The following PDE10A variants were observed in gnomAD, a reference collection of about 807,000 sequenced individuals.
PDE10A encodes the protein cAMP and cAMP-inhibited cGMP 3',5'-cyclic phosphodiesterase 10A.
A neutral mutation model predicts 97.7 loss-of-function variants in PDE10A; 39 were observed. The ratio of observed to expected loss-of-function variants is 0.40; its 90% CI spans 0.31 to 0.52. The LOEUF is 0.52. PDE10A is among the 20% of genes least tolerant of loss of function. The pLI is 0.56. For synonymous variants in PDE10A, 371 were observed against 376.8 expected, an observed-to-expected ratio of 0.98 and a Z score of 0.18; for missense variants, 731 against 1,047.8, an observed-to-expected ratio of 0.70 and a Z score of 4.17.
Position 165,430,301 on chromosome 6 carries a change from T to G in PDE10A, c.1587A>C (p.Leu529=), listed in dbSNP as rs150615859. ...LAKQTELNDF[L]LDVSKTYFDN... is the part of the protein sequence containing the mutation. ...TGAACACTTACTTTGATACGTCGAGTAGGAAGTCATTCAATTCTGTCTGTT... is the reference window on the plus strand; with the variant it reads ...TGAACACTTACTTTGATACGTCGAGGAGGAAGTCATTCAATTCTGTCTGTT... Residue 529 remains leucine, a synonymous_variant, in exon 9 of 22, where the codon CTA becomes CTC. Transcript: ENST00000539869. 7 of 1,608,438 alleles carry G rather than the reference T, an allele frequency of 4.4e-6. No individual in the cohort carries two copies. The African/African-American group carries it at 9.4e-5, about 22-fold the overall frequency.
intron 2 of PDE10A, among the ~76,000 whole-genome samples, chr6:165,512,214 A>G (rs992902611): frequency 6.6e-6 from 1 of 151,618 alleles, no homozygotes; most frequent in South Asian, 2.1e-4. Context: ...ATACTTTTAT[A>G]TGTTTTTACG....
intron 1 of PDE10A, among the ~76,000 whole-genome samples, chr6:165,816,106 C>T (rs2128468173): frequency 6.6e-6 from 1 of 152,240 alleles, no homozygotes; most frequent in African/African-American, 2.4e-5. Flanking sequence ...CCCACCACCA[C>T]TCCTGGCTAA....
intron 2 of PDE10A, among the ~76,000 whole-genome samples, chr6:165,526,210 T>C (rs2128311638): frequency 6.6e-6 from 1 of 152,294 alleles, no homozygotes; most frequent in East Asian, 1.9e-4. Context: ...TGAGCTGATG[T>C]TGATTCCAGG....
rs1015724 is a variant in PDE10A at position 165,647,198 on chromosome 6, C to A, written c.865+14749G>T. Among the ~76,000 whole-genome samples the A allele has an allele frequency of 2.6e-4, 39 of 152,300 alleles. 1 individual carries two copies. In the East Asian group the frequency reaches 5.2e-3, roughly 20 times the overall value. On this transcript the variant is annotated intron_variant, in intron 1 of 21. Transcript: ENST00000539869. ...CAAAAGTCTAGAGTAAACAACCAGT[C>A]ACAGAGGGAAACCATACAAAGCAAA...
intron 1 of PDE10A, among the ~76,000 whole-genome samples, chr6:165,547,573 T>C (rs1783800878): frequency 1.3e-5 from 2 of 152,162 alleles, no homozygotes; most frequent in Admixed American, 1.3e-4. Context: ...TAAAGATAAT[T>C]GCTTCTATGG....
chr6:165,433,903 G>A (rs1199325123), intron 6 of PDE10A, among the ~76,000 whole-genome samples: 1 of 151,328 alleles, frequency 6.6e-6, no homozygotes, highest in African/African-American at 2.4e-5. Flanking sequence ...TGTAGTCCCA[G>A]CTATTCGGGA....
At chr6:165,934,727 C>G (rs931276437) in intron 1 of PDE10A, among the ~76,000 whole-genome samples, 1 of 152,096 alleles carries the variant, frequency 6.6e-6, no homozygotes, top group African/African-American at 2.4e-5. Context: ...TTGTTCCACC[C>G]CACCACTCTC....
chr6:165,408,770 T>C (rs1294377640), intron 13 of PDE10A, among the ~76,000 whole-genome samples: 2 of 152,218 alleles, frequency 1.3e-5, no homozygotes, highest in African/African-American at 4.8e-5. Context: ...GAAGGAATCA[T>C]TATGAAGCTG....
chr6:165,902,705 G>A (rs958950480), intron 1 of PDE10A, among the ~76,000 whole-genome samples: 5 of 152,144 alleles, frequency 3.3e-5, no homozygotes, highest in East Asian at 1.9e-4. Context: ...TGTGGCGCAC[G>A]GGCTGTTCTT....
At chr6:165,339,034 A>C (rs1781817103) in intron 20 of PDE10A, among the ~76,000 whole-genome samples, 1 of 152,192 alleles carries the variant, frequency 6.6e-6, no homozygotes, top group Non-Finnish European at 1.5e-5. Context: ...TACTTTTCTG[A>C]GTGTCTTAGC....
At chr6:165,638,666 A>G (rs1164528671) in intron 1 of PDE10A, among the ~76,000 whole-genome samples, 3 of 152,266 alleles carry the variant, frequency 2.0e-5, no homozygotes, top group Non-Finnish European at 2.9e-5. Flanking sequence ...CTTCATCATT[A>G]AAATATATAC....
intron 1 of PDE10A, among the ~76,000 whole-genome samples, chr6:165,552,508 G>A (rs1301491720): frequency 6.6e-6 from 1 of 152,208 alleles, no homozygotes; most frequent in Non-Finnish European, 1.5e-5. Flanking sequence ...TTTAGAACAT[G>A]CCAGGCAGAG....
At chr6:165,757,703 T>A (rs895582297) in intron 1 of PDE10A, among the ~76,000 whole-genome samples, 4 of 152,230 alleles carry the variant, frequency 2.6e-5, no homozygotes, top group African/African-American at 9.6e-5. Flanking sequence ...GTCTATAGTA[T>A]GTCTTTGTGA....
At chr6:165,842,398 G>C (rs917905421) in intron 1 of PDE10A, among the ~76,000 whole-genome samples, 1 of 152,170 alleles carries the variant, frequency 6.6e-6, no homozygotes, top group African/African-American at 2.4e-5. Flanking sequence ...ACTGTTATAC[G>C]GAGCTTGGCA....
At chr6:165,412,067 T>C (rs1432047790) in intron 13 of PDE10A, among the ~76,000 whole-genome samples, 1 of 151,584 alleles carries the variant, frequency 6.6e-6, no homozygotes, top group Non-Finnish European at 1.5e-5. Flanking sequence ...CAAAATGTTA[T>C]AATAGTTGAC....
intron 1 of PDE10A, among the ~76,000 whole-genome samples, chr6:165,948,035 T>C (rs1783830834): frequency 6.6e-6 from 1 of 151,258 alleles, no homozygotes; most frequent in South Asian, 2.1e-4. Flanking sequence ...ATCTTGACAA[T>C]GGACTTCTCT....
chr6:165,642,288 C>T (rs1789173632), intron 1 of PDE10A, among the ~76,000 whole-genome samples: 1 of 152,180 alleles, frequency 6.6e-6, no homozygotes, highest in Non-Finnish European at 1.5e-5. Flanking sequence ...GCTTCCCGTG[C>T]ATATGTGTCT....
In PDE10A at chr6:165,370,951, A is replaced by C. The variant is rs1410259023; in HGVS notation, c.2783+8243T>G. ...CACTCAAAACTGCTCAACTACATGG[A>C]AACTGAACAACCTGCTCCTGAATGA... On this transcript the variant is annotated intron_variant, in intron 18 of 21. Coordinates refer to ENST00000539869, the MANE Select transcript of PDE10A (RefSeq NM_001385079.1). Among the ~76,000 whole-genome samples, 149 of 137,244 alleles carry C rather than the reference A, an allele frequency of 1.1e-3. 1 individual carries two copies. The highest frequency in any genetic ancestry group is 4.1e-3 in the African/African-American group (142 of 34,410). 90.0% of individuals were successfully genotyped at this position (137,244 alleles called of 152,430 possible). A position where few individuals can be genotyped will look rare whatever the true frequency, so the allele number is the denominator to read the frequency against.
At chr6:165,817,532 G>A (rs1397063276) in intron 1 of PDE10A, among the ~76,000 whole-genome samples, 1 of 152,134 alleles carries the variant, frequency 6.6e-6, no homozygotes, top group Non-Finnish European at 1.5e-5. Context: ...AGGCAATGTG[G>A]TGTACCCCTG....
Sources: allele counts gnomAD v4.1 joint callset (sites outside exome capture counted in the v4.1 genomes callset), GRCh38; gene constraint gnomAD v4.1.1; transcripts MANE v1.5; gene names NCBI Gene and HGNC (gene_info 2026-07-23, HGNC 2026-07-21).